Variants in NKAIN3 observed in about 807,000 individuals in gnomAD.
NKAIN3 encodes the protein sodium/potassium transporting ATPase interacting 3.
A neutral mutation model predicts 30.2 loss-of-function variants in NKAIN3; 25 were observed. The observed-to-expected ratio is 0.83, with a 90% confidence interval of 0.60 to 1.16. The LOEUF is 1.16. Among genes scored for constraint, NKAIN3 ranks in the 50% most tolerant of loss-of-function variants. The pLI, the probability that NKAIN3 is intolerant of heterozygous loss-of-function variation, is 0.00. For synonymous variants in NKAIN3, 91 were observed against 89.6 expected (o/e 1.02, Z -0.09); for missense variants, 225 against 254.1 (o/e 0.89, Z 0.78).
At position 62,569,997 on chromosome 8, in the gene NKAIN3, T is replaced by C. The variant is rs558530459; in HGVS notation, c.55-9542T>C. Reference sequence around the variant, plus strand: ...TACACTTTAATTTATTTTGTGAAAGTATCGTTTGATCAAATGCTTTCTTAG... The same window carrying C: ...TACACTTTAATTTATTTTGTGAAAGCATCGTTTGATCAAATGCTTTCTTAG... On this transcript the variant is annotated intron_variant, in intron 1 of 6. Transcript: ENST00000623646. Among the ~76,000 whole-genome samples, 20 of 152,332 alleles carry C rather than the reference T, an allele frequency of 1.3e-4. 1 individual carries two copies. Among genetic ancestry groups the C allele is most frequent in the African/African-American group, 4.1e-4 (17 of 41,576 alleles).
intron 4 of NKAIN3, among the ~76,000 whole-genome samples, chr8:62,869,036 C>T (rs193063473): frequency 2.0e-5 from 3 of 152,166 alleles, no homozygotes; most frequent in Admixed American, 1.3e-4. Context: ...ATCGCAACTA[C>T]GCAGAATAGG....
intron 4 of NKAIN3, among the ~76,000 whole-genome samples, chr8:62,853,622 G>A (rs1819976266): frequency 1.3e-5 from 2 of 152,012 alleles, no homozygotes; most frequent in Admixed American, 6.6e-5. Context: ...CTAGCTATCA[G>A]TCTATCTATT....
chr8:62,956,265 G>A (rs2130899620), intron 6 of NKAIN3, among the ~76,000 whole-genome samples: 1 of 152,280 alleles, frequency 6.6e-6, no homozygotes, highest in African/African-American at 2.4e-5. Flanking sequence ...TTGTTAGAGA[G>A]GGGAATGAAT....
chr8:62,410,120 G>C (rs899215633), intron 1 of NKAIN3, among the ~76,000 whole-genome samples: 3 of 151,514 alleles, frequency 2.0e-5, no homozygotes, highest in Non-Finnish European at 4.4e-5. Flanking sequence ...CCCCTCTGTA[G>C]TCTGCATTGT....
chr8:62,856,297 C>T (rs1820057218), intron 4 of NKAIN3: 2 of 935,112 alleles, frequency 2.1e-6, no homozygotes, highest in Non-Finnish European at 3.6e-6. Context: ...TATAAATGCC[C>T]AGAGATCACT....
At chr8:62,467,041 C>T (rs1451851) in intron 1 of NKAIN3, among the ~76,000 whole-genome samples, 50,326 of 151,950 alleles carry the variant, frequency 0.33, 9,627 homozygotes, top group South Asian at 0.45. Flanking sequence ...GACCTGCCTC[C>T]GACCTCTCAC....
At chr8:62,540,683 G>A (rs1488604752) in intron 1 of NKAIN3, among the ~76,000 whole-genome samples, 1 of 151,936 alleles carries the variant, frequency 6.6e-6, no homozygotes, top group African/African-American at 2.4e-5. Flanking sequence ...CATCCGAAGA[G>A]CTCCCTCAAT....
chr8:62,550,602 G>T (rs551838982), intron 1 of NKAIN3, among the ~76,000 whole-genome samples: 1 of 152,274 alleles, frequency 6.6e-6, no homozygotes, highest in Non-Finnish European at 1.5e-5. Flanking sequence ...GAGTAGAAAT[G>T]AGTTTAAAAG....
intron 1 of NKAIN3, among the ~76,000 whole-genome samples, chr8:62,479,305 C>G (rs929428882): frequency 6.6e-6 from 1 of 152,144 alleles, no homozygotes; most frequent in African/African-American, 2.4e-5. Flanking sequence ...ACTCTACCTA[C>G]ATTATCTCAT....
chr8:62,354,740 G>A (rs1816291445), intron 1 of NKAIN3, among the ~76,000 whole-genome samples: 1 of 152,178 alleles, frequency 6.6e-6, no homozygotes, highest in Non-Finnish European at 1.5e-5. Context: ...ACCGCGCCAG[G>A]CCGACAGTTT....
chr8:62,417,716 C>A (rs531353125), intron 1 of NKAIN3, among the ~76,000 whole-genome samples: 1 of 152,068 alleles, frequency 6.6e-6, no homozygotes, highest in Non-Finnish European at 1.5e-5. Context: ...ATTTCTTTGA[C>A]GATCAATGAT....
intron 1 of NKAIN3, among the ~76,000 whole-genome samples, chr8:62,424,556 A>G (rs1804743388): frequency 6.6e-6 from 1 of 151,968 alleles, no homozygotes; most frequent in Non-Finnish European, 1.5e-5. Context: ...AATGCTCAAC[A>G]TCAGTAATCA....
At chr8:62,296,415 G>T (rs1813832126) in intron 1 of NKAIN3, among the ~76,000 whole-genome samples, 1 of 152,134 alleles carries the variant, frequency 6.6e-6, no homozygotes, top group Non-Finnish European at 1.5e-5. Context: ...AGTTGAATGT[G>T]ATAGGAACCT....
At chr8:62,274,836 A>G (rs1438283300) in intron 1 of NKAIN3, among the ~76,000 whole-genome samples, 1 of 151,604 alleles carries the variant, frequency 6.6e-6, no homozygotes, top group Admixed American at 6.6e-5. Flanking sequence ...ATGAGTGAGA[A>G]CATGCAGTGT....
chr8:62,653,885 A>G (rs1812694950), intron 3 of NKAIN3, among the ~76,000 whole-genome samples: 1 of 152,176 alleles, frequency 6.6e-6, no homozygotes, highest in Non-Finnish European at 1.5e-5. Context: ...GTCACCCTAG[A>G]GAGAAACTCA....
At chr8:62,623,896 C>G (rs1811703667) in intron 3 of NKAIN3, among the ~76,000 whole-genome samples, 1 of 151,968 alleles carries the variant, frequency 6.6e-6, no homozygotes, top group Non-Finnish European at 1.5e-5. Context: ...GTGAGTTACT[C>G]AACTGATTAT....
At chr8:62,826,962 A>G (rs1270121703) in intron 4 of NKAIN3, among the ~76,000 whole-genome samples, 1 of 152,220 alleles carries the variant, frequency 6.6e-6, no homozygotes, top group African/African-American at 2.4e-5. Flanking sequence ...AAGAGTGTGG[A>G]AAGGAAATTA....
chr8:62,888,668 C>A (rs1053592784), intron 4 of NKAIN3, among the ~76,000 whole-genome samples: 1 of 152,120 alleles, frequency 6.6e-6, no homozygotes, highest in Non-Finnish European at 1.5e-5. Flanking sequence ...CCCTTCCAGA[C>A]CAGAAATGTA....
intron 4 of NKAIN3, among the ~76,000 whole-genome samples, chr8:62,816,893 C>A (rs1050321118): frequency 1.4e-4 from 21 of 152,268 alleles, no homozygotes; most frequent in African/African-American, 5.1e-4. Context: ...GGATTCCAGG[C>A]AGCTCCCTAG....
Sources: allele counts gnomAD v4.1 joint callset (sites outside exome capture counted in the v4.1 genomes callset), GRCh38; gene constraint gnomAD v4.1.1; transcripts MANE v1.5; gene names NCBI Gene and HGNC (gene_info 2026-07-23, HGNC 2026-07-21).